Variants in PARD3 observed in about 807,000 individuals in gnomAD.
PARD3 encodes par-3 family cell polarity regulator, also known as partitioning defective 3 homolog.
In PARD3, 75 loss-of-function variants were observed where a neutral mutation model predicts 155.4. That is an observed-to-expected ratio of 0.48 (90% CI 0.40 to 0.58). The LOEUF is 0.58. PARD3 is among the 20% of genes least tolerant of loss of function. The pLI is 0.00. For missense variants in PARD3, 1,642 were observed against 1,721.7 expected, an observed-to-expected ratio of 0.95 and a Z score of 0.82; for synonymous variants, 576 against 610.5, an observed-to-expected ratio of 0.94 and a Z score of 0.83.
chr10:34,682,981 C>G (rs1276346157), intron 2 of PARD3, among the ~76,000 whole-genome samples: 2 of 152,268 alleles, frequency 1.3e-5, no homozygotes, highest in East Asian at 3.9e-4. Flanking sequence ...CAACGGCAAC[C>G]ACAATTAACA....
chr10:34,200,408 T>A (rs1274073129), intron 22 of PARD3, among the ~76,000 whole-genome samples: 1 of 152,136 alleles, frequency 6.6e-6, no homozygotes, highest in Non-Finnish European at 1.5e-5. Flanking sequence ...CCAATGGAAC[T>A]TTTGCCAAAG....
At chr10:34,401,741 C>T in intron 6 of PARD3, 85 bp downstream of exon 6, 1 of 874,854 alleles carries the variant, frequency 1.1e-6, no homozygotes, top group Non-Finnish European at 2.0e-6. Flanking sequence ...AAACATTCCT[C>T]ATGCCATATG....
intron 22 of PARD3, among the ~76,000 whole-genome samples, chr10:34,177,777 C>G (rs1242187742): frequency 1.3e-5 from 2 of 152,186 alleles, no homozygotes; most frequent in Admixed American, 1.3e-4. Flanking sequence ...GCCTGCGAAC[C>G]GCTCATATCC....
At chr10:34,760,977 TAAATTAAATTGGATAATTA>T (rs1488913391) in intron 1 of PARD3, among the ~76,000 whole-genome samples, 2 of 152,042 alleles carry the variant, frequency 1.3e-5, no homozygotes, top group African/African-American at 2.4e-5. Context: ...ATAAATAAAT[TAAATTAAATTGGATAATTA>T]ATATATTTCT....
At chr10:34,429,564 GTTTTGTTTTGTTTTGT>G (rs2132516759) in intron 5 of PARD3, among the ~76,000 whole-genome samples, 1 of 103,128 alleles carries the variant, frequency 9.7e-6, no homozygotes, top group African/African-American at 8.5e-5. Flanking sequence ...GTTTTGTTTT[GTTTTGTTTTGTTTTGT>G]TTTGTTTTGT....
chr10:34,245,151 C>T (rs1245624452), intron 22 of PARD3, among the ~76,000 whole-genome samples: 1 of 152,188 alleles, frequency 6.6e-6, no homozygotes, highest in African/African-American at 2.4e-5. Context: ...GACATACAAA[C>T]TCTGTCAGAT....
At chr10:34,709,271 CAA>C (rs2094415202) in intron 1 of PARD3, among the ~76,000 whole-genome samples, 1 of 152,052 alleles carries the variant, frequency 6.6e-6, no homozygotes, top group South Asian at 2.1e-4. Context: ...TACACGAAAC[CAA>C]GTTTGTATTA....
chr10:34,771,987 T>C (rs766556891), intron 1 of PARD3, among the ~76,000 whole-genome samples: 1 of 152,076 alleles, frequency 6.6e-6, no homozygotes, highest in South Asian at 2.1e-4. Flanking sequence ...TTCACAAAGG[T>C]AAATACCAAG....
intron 9 of PARD3, among the ~76,000 whole-genome samples, chr10:34,382,133 C>G (rs556934605): frequency 6.6e-6 from 1 of 151,988 alleles, no homozygotes; most frequent in South Asian, 2.1e-4. Flanking sequence ...CTCTAAAGTC[C>G]TCCTTGAGGG....
chr10:34,377,641 T>C (rs972675413), intron 10 of PARD3, among the ~76,000 whole-genome samples: 3 of 150,260 alleles, frequency 2.0e-5, no homozygotes, highest in Non-Finnish European at 3.0e-5. Context: ...TCAGATAACA[T>C]GGAAAAAAGA....
intron 2 of PARD3, among the ~76,000 whole-genome samples, chr10:34,659,190 A>G (rs933138480): frequency 5.3e-5 from 8 of 152,212 alleles, no homozygotes; most frequent in Non-Finnish European, 1.0e-4. Context: ...GAGCCTTGAC[A>G]CACAGGACAA....
intron 22 of PARD3, among the ~76,000 whole-genome samples, chr10:34,265,360 G>A (rs958888503): frequency 3.3e-5 from 5 of 152,060 alleles, no homozygotes; most frequent in African/African-American, 1.2e-4. Context: ...ATCATCCCTG[G>A]CTGTTTCCAT....
intron 2 of PARD3, among the ~76,000 whole-genome samples, chr10:34,626,395 CTCTT>C (rs1218703161): frequency 2.6e-5 from 4 of 152,190 alleles, no homozygotes; most frequent in Non-Finnish European, 5.9e-5. Context: ...TTCTCTCTCT[CTCTT>C]TCTTTCTTTC....
intron 1 of PARD3, among the ~76,000 whole-genome samples, chr10:34,718,561 A>C (rs1276309601): frequency 6.6e-6 from 1 of 152,178 alleles, no homozygotes; most frequent in Admixed American, 6.5e-5. Flanking sequence ...TGAGAGGCTG[A>C]GGCTGGAGGA....
rs1265646568 is a variant in PARD3 at position 34,666,781 on chromosome 10, A to C, written c.222+29537T>G. Among the ~76,000 whole-genome samples, 48 of 87,346 alleles carry C rather than the reference A, an allele frequency of 5.5e-4. 1 individual carries two copies. The highest frequency in any genetic ancestry group is 2.1e-3 in the African/African-American group (30 of 14,516). 57.3% of individuals were successfully genotyped at this position (87,346 alleles called of 152,430 possible). A position where few individuals can be genotyped will look rare whatever the true frequency, so the allele number is the denominator to read the frequency against. On this transcript the variant is annotated intron_variant, in intron 2 of 24. Coordinates refer to ENST00000374788, the MANE Select transcript of PARD3 (RefSeq NM_001184785.2). Reference sequence around the variant, plus strand: ...CACCTCACCTACCCCTCCCCCTAAAAAAAAAAAAAAAAAAAATATATATAT... The same window carrying C: ...CACCTCACCTACCCCTCCCCCTAAACAAAAAAAAAAAAAAAATATATATAT...
At chr10:34,573,823 A>G (rs1051220045) in intron 2 of PARD3, among the ~76,000 whole-genome samples, 1 of 152,078 alleles carries the variant, frequency 6.6e-6, no homozygotes, top group East Asian at 1.9e-4. Flanking sequence ...TACTTGCTTC[A>G]TGCACACACT....
intron 5 of PARD3, among the ~76,000 whole-genome samples, chr10:34,423,239 A>G (rs1177962096): frequency 6.6e-6 from 1 of 152,182 alleles, no homozygotes; most frequent in Non-Finnish European, 1.5e-5. Flanking sequence ...CAAATACTGT[A>G]TGATCTCACT....
At chr10:34,758,893 C>T (rs551303951) in intron 1 of PARD3, among the ~76,000 whole-genome samples, 24 of 152,182 alleles carry the variant, frequency 1.6e-4, no homozygotes, top group African/African-American at 5.1e-4. Context: ...GTGACTGAAA[C>T]GGCTAAATTA....
In PARD3 at chr10:34,665,391, A is replaced by C. The variant is rs1292448226; in HGVS notation, c.222+30927T>G. ...AAAAAATAGCCAGGCGTGGTGGCAC[A>C]TGCCTGTAATCCCAGCTCCTCAGGA... On this transcript the variant is annotated intron_variant, in intron 2 of 24. Coordinates refer to ENST00000374788, the MANE Select transcript of PARD3 (RefSeq NM_001184785.2). Among the ~76,000 whole-genome samples, 3 of 151,776 alleles carry C rather than the reference A, an allele frequency of 2.0e-5. No individual in the cohort carries two copies. The East Asian group carries it at 5.8e-4, about 29-fold the overall frequency.
Sources: gnomAD v4.1 joint callset for allele counts (sites outside exome capture counted in the v4.1 genomes callset) on GRCh38, gnomAD v4.1.1 for gene constraint, MANE v1.5 for transcripts, NCBI Gene and HGNC (gene_info 2026-07-23, HGNC 2026-07-21) for gene names.